TG: variants seen among roughly 807,000 people sequenced by gnomAD.
TG encodes the protein thyroid hormones.
Under a neutral mutation model 324.7 loss-of-function variants are expected in TG, and 270 were observed. The ratio of observed to expected loss-of-function variants is 0.83; its 90% CI spans 0.75 to 0.92. TG has a LOEUF of 0.92. Among genes scored for constraint, TG ranks in the 40% least tolerant of loss-of-function variants. TG has a pLI of 0.00. For synonymous variants in TG, 1,401 were observed against 1,327.0 expected (o/e 1.06, Z -1.21); for missense variants, 3,591 against 3,456.4 (o/e 1.04, Z -0.98).
intron 27 of TG, among the ~76,000 whole-genome samples, chr8:132,949,479 G>T (rs1825804364): frequency 6.6e-6 from 1 of 152,226 alleles, no homozygotes; most frequent in Non-Finnish European, 1.5e-5. Context: ...TGGGGGGACT[G>T]CCAAGTCATG....
intron 26 of TG, among the ~76,000 whole-genome samples, chr8:132,948,031 C>T (rs1304486772): frequency 1.3e-5 from 2 of 152,156 alleles, no homozygotes; most frequent in African/African-American, 2.4e-5. Flanking sequence ...TGTCATCTCC[C>T]CTAGTTACAG....
In TG at chr8:132,946,069, CA is replaced by C. The variant is rs869175868; in HGVS notation, c.5234-2706del. The stretch of plus-strand genomic sequence containing the variant: ...ACACACACACACACACACACACACA[CA>C]CACCCTATATTTGTCTTGATGTATA... On this transcript the variant is annotated intron_variant, in intron 26 of 47. Coordinates refer to ENST00000220616, the MANE Select transcript of TG (RefSeq NM_003235.5). Among the ~76,000 whole-genome samples the C allele has an allele frequency of 3.5e-3, 251 of 70,958 alleles. 1 individual carries two copies. The highest frequency in any genetic ancestry group is 0.022 in the Middle Eastern group (2 of 92). The allele number at this position is 70,958 out of a possible 152,430, so 46.6% of individuals were successfully genotyped here. A position where few individuals can be genotyped will look rare whatever the true frequency, so the allele number is the denominator to read the frequency against.
intron 4 of TG, among the ~76,000 whole-genome samples, chr8:132,872,750 T>C (rs1839616354): frequency 6.6e-6 from 1 of 152,154 alleles, no homozygotes; most frequent in Middle Eastern, 3.2e-3. Flanking sequence ...GTTTCTATGC[T>C]TAGGTATGTC....
chr8:132,904,464 G>A (rs1008631366), intron 16 of TG, among the ~76,000 whole-genome samples: 1 of 152,224 alleles, frequency 6.6e-6, no homozygotes, highest in Non-Finnish European at 1.5e-5. Context: ...GGCCCACTGT[G>A]GATATTCAGT....
At chr8:132,983,553 T>A in intron 35 of TG, 141 bp downstream of exon 35, 1 of 860,580 alleles carries the variant, frequency 1.2e-6, no homozygotes, top group South Asian at 1.4e-5. Flanking sequence ...ATTAAACACA[T>A]GTATAAGTGG....
intron 16 of TG, among the ~76,000 whole-genome samples, chr8:132,905,796 A>G (rs1402147790): frequency 6.6e-6 from 1 of 152,190 alleles, no homozygotes; most frequent in Non-Finnish European, 1.5e-5. Flanking sequence ...ATTCAAAAAA[A>G]AGAAGACCTA....
chr8:133,128,341 A>AGG (rs1851689992), intron 45 of TG, among the ~76,000 whole-genome samples: 8 of 76,898 alleles, frequency 1.0e-4, no homozygotes, highest in African/African-American at 7.8e-4. Flanking sequence ...AGGCGTGCAC[A>AGG]CACACACACA....
intron 41 of TG, among the ~76,000 whole-genome samples, chr8:133,035,630 A>G (rs1003103226): frequency 6.6e-6 from 1 of 152,214 alleles, no homozygotes; most frequent in African/African-American, 2.4e-5. Context: ...CCATTAACAT[A>G]GGTTGCAATC....
At chr8:133,123,706 C>T (rs906556995) in intron 45 of TG, among the ~76,000 whole-genome samples, 7 of 144,544 alleles carry the variant, frequency 4.8e-5, no homozygotes, top group Non-Finnish European at 7.6e-5. Flanking sequence ...ACCCTGTGGC[C>T]AGGTTTGGGG....
chr8:132,991,631 C>T (rs1832345188), intron 35 of TG, among the ~76,000 whole-genome samples: 1 of 152,198 alleles, frequency 6.6e-6, no homozygotes, highest in African/African-American at 2.4e-5. Context: ...TTTTATATCC[C>T]AGGGGCCAGC....
rs751958414 is a variant in TG, at chr8:132,948,860, C to A, written c.5318C>A (p.Ala1773Asp). The A allele has an allele frequency of 6.2e-6, 10 of 1,614,014 alleles. No homozygotes were observed. In the East Asian group the frequency reaches 2.0e-4, roughly 32 times the overall value. Residue 1773 changes from alanine (A) to aspartate (D), a missense_variant, in exon 27 of 48, where the codon GCT becomes GAT. Ala to Asp is a moderately radical substitution (Grantham distance 126). Transcript: ENST00000220616. Reference protein sequence around the residue: ...KDWMDPSEAWANATCPGVTYD... With the variant: ...KDWMDPSEAWDNATCPGVTYD... ...TGGATGGATCCCTCTGAAGCCTGGG[C>A]TAATGCTACATGTCCTGGTGTGACA...
At chr8:133,004,632 G>A (rs538899883) in intron 35 of TG, among the ~76,000 whole-genome samples, 16 of 152,310 alleles carry the variant, frequency 1.1e-4, no homozygotes, top group Non-Finnish European at 2.2e-4. Flanking sequence ...ACTTCTGAAT[G>A]TGTGTTGTGT....
rs1841985281 is a variant in TG at position 133,059,122 on chromosome 8, A to G, written c.7239+29099A>G. The G allele has an allele frequency of 6.6e-6, 3 of 456,196 alleles. No individual in the cohort carries two copies. In the Admixed American group the frequency reaches 7.0e-5, roughly 11 times the overall value. The allele number at this position is 456,196 out of a possible 1,614,324, so 28.3% of individuals were successfully genotyped here. A position where few individuals can be genotyped will look rare whatever the true frequency, so the allele number is the denominator to read the frequency against. ...CCCTGTCAGGCTCGGCAGACAGGGC[A>G]GCCATCTGCGCCAGTGAACTCCGCC... On this transcript the variant is annotated intron_variant, in intron 41 of 47. Transcript: ENST00000220616.
chr8:133,037,552 C>A (rs3739268), intron 41 of TG: 1 of 151,920 alleles, frequency 6.6e-6, no homozygotes, highest in Non-Finnish European at 1.5e-5. Context: ...AAGCCATGAG[C>A]TGATTTCTCT....
chr8:133,074,778 A>G, intron 41 of TG: 4 of 874,546 alleles, frequency 4.6e-6, no homozygotes, highest in Non-Finnish European at 4.1e-6. Context: ...CAGAAAGTCA[A>G]CCCCTGCCAA....
rs529218847 is a variant in TG at position 132,893,863 on chromosome 8, C to T, written c.2935C>T (p.Arg979Trp). The stretch of plus-strand genomic sequence containing the variant: ...CGGCCTTCCTCCGCTCTTCCCGCCC[C>T]GGGAGGCTTTCGCGGAGCAGTTTCT... ...DLGLPPLFPP[R>W]EAFAEQFLRG... The change falls in exon 11 of 48, where the codon CGG becomes TGG. Residue 979 changes from arginine (R) to tryptophan (W), a missense_variant. Coordinates refer to ENST00000220616, the MANE Select transcript of TG (RefSeq NM_003235.5). The T allele has an allele frequency of 8.7e-6, 14 of 1,614,044 alleles. No homozygotes were observed. The highest frequency in any genetic ancestry group is 8.3e-5 in the Admixed American group (5 of 60,018).
chr8:132,910,031 A>G (rs1318466522), intron 18 of TG, among the ~76,000 whole-genome samples: 2 of 152,202 alleles, frequency 1.3e-5, no homozygotes, highest in Non-Finnish European at 2.9e-5. Context: ...ACACATGTTC[A>G]AAAATCGTGC....
chr8:132,901,322 C>A (rs775275136), intron 15 of TG, 31 bp from the exon 16 acceptor site: 1 of 1,612,880 alleles, frequency 6.2e-7, no homozygotes, highest in Non-Finnish European at 8.5e-7. Flanking sequence ...GGCACTGATT[C>A]CCCAGCCCAT....
At chr8:132,988,945 T>C (rs1210875920) in intron 35 of TG, 1 of 967,070 alleles carries the variant, frequency 1.0e-6, no homozygotes, top group East Asian at 1.1e-4. Flanking sequence ...TACCCGAGAC[T>C]GGACAATTTG....
Sources: allele counts gnomAD v4.1 joint callset (sites outside exome capture counted in the v4.1 genomes callset), GRCh38; gene constraint gnomAD v4.1.1; transcripts MANE v1.5; gene names NCBI Gene and HGNC (gene_info 2026-07-23, HGNC 2026-07-21).